DOCK7: variants seen among roughly 807,000 people sequenced by gnomAD.
The protein encoded by DOCK7 is dedicator of cytokinesis 7, also known as dedicator of cytokinesis protein 7.
In DOCK7, 138 loss-of-function variants were observed where a neutral mutation model predicts 271.0. The ratio of observed to expected loss-of-function variants is 0.51; its 90% CI spans 0.44 to 0.59. The LOEUF (loss-of-function observed/expected upper bound fraction) is 0.59. Ranked by LOEUF, DOCK7 falls within the 20% of genes least tolerant of loss-of-function variation. The pLI, the probability that DOCK7 is intolerant of heterozygous loss-of-function variation, is 0.00. For synonymous variants in DOCK7, 823 were observed against 876.1 expected (o/e 0.94, Z 1.07); for missense variants, 2,066 against 2,592.4 (o/e 0.80, Z 4.41).
chr1:62,579,257 G>T (rs899373549), intron 16 of DOCK7, among the ~76,000 whole-genome samples: 1 of 152,060 alleles, frequency 6.6e-6, no homozygotes, highest in Admixed American at 6.5e-5. Flanking sequence ...CCATTAGATT[G>T]GAAGCTGCAT....
chr1:62,683,425 G>A (rs757302328), intron 1 of DOCK7, among the ~76,000 whole-genome samples: 9 of 152,182 alleles, frequency 5.9e-5, no homozygotes, highest in Non-Finnish European at 1.3e-4. Flanking sequence ...TGTTAAATAA[G>A]TCGATATCCA....
rs891956807 is a variant in DOCK7 at position 62,675,741 on chromosome 1, C to T, written c.38+12486G>A. Among the ~76,000 whole-genome samples the T allele has an allele frequency of 2.6e-5, 4 of 151,608 alleles. No homozygotes were observed. In the East Asian group the frequency reaches 5.8e-4, roughly 22 times the overall value. The stretch of plus-strand genomic sequence containing the variant: ...TGGAGCTTGCAATGAGCCGAGATCG[C>T]GCCACTGTACTCCAGCCTGGGCGAC... On this transcript the variant is annotated intron_variant, in intron 1 of 49. Coordinates refer to ENST00000635253, the MANE Select transcript of DOCK7 (RefSeq NM_001367561.1).
At chr1:62,476,228 C>T in intron 44 of DOCK7, 72 bp from the exon 45 acceptor site, 1 of 1,149,816 alleles carries the variant, frequency 8.7e-7, no homozygotes, top group Non-Finnish European at 1.3e-6. Context: ...CTGAGGGTGA[C>T]TCCTGAGCAA....
At position 62,455,751 on chromosome 1, in the gene DOCK7, T is replaced by C. The variant is rs634341; in HGVS notation, c.6381-295A>G. Among the ~76,000 whole-genome samples the C allele has an allele frequency of 0.42, 63,812 of 152,018 alleles. 15,148 individuals carry two copies. The highest frequency in any genetic ancestry group is 0.65 in the African/African-American group (27,066 of 41,442). On this transcript the variant is annotated intron_variant, in intron 49 of 49. Transcript: ENST00000635253. ...ACTTAAGGGATAATGGGAGAGATTT[T>C]AGGAAAAGATTTGGGGTTTTTTACA...
intron 29 of DOCK7, among the ~76,000 whole-genome samples, chr1:62,532,330 A>G (rs1645199641): frequency 2.0e-5 from 3 of 151,916 alleles, no homozygotes; most frequent in African/African-American, 7.3e-5. Flanking sequence ...CCACCATGCC[A>G]GGCCTATTTA....
intron 2 of DOCK7, among the ~76,000 whole-genome samples, chr1:62,656,263 C>G (rs1035089814): frequency 1.3e-5 from 2 of 151,998 alleles, no homozygotes; most frequent in Non-Finnish European, 2.9e-5. Flanking sequence ...AGCAAAATGT[C>G]CTTACAATTT....
chr1:62,660,741 T>A (rs1288950141), intron 2 of DOCK7, among the ~76,000 whole-genome samples: 4 of 152,162 alleles, frequency 2.6e-5, no homozygotes, highest in African/African-American at 9.6e-5. Context: ...AACCCCAATG[T>A]CCATCAAAAT....
chr1:62,634,703 A>C (rs1655040896), intron 9 of DOCK7, 70 bp downstream of exon 9: 1 of 1,454,440 alleles, frequency 6.9e-7, no homozygotes, highest in South Asian at 1.3e-5. Context: ...GCCCTTGAAA[A>C]GTTTATAATA....
At chr1:62,629,066 A>T (rs1571831133) in intron 11 of DOCK7, 1 of 152,214 alleles carries the variant, frequency 6.6e-6, no homozygotes, top group Non-Finnish European at 1.5e-5. Flanking sequence ...GACTACAATC[A>T]AAGAGCAGAT....
chr1:62,680,127 A>C (rs1321327232), intron 1 of DOCK7, among the ~76,000 whole-genome samples: 1 of 152,184 alleles, frequency 6.6e-6, no homozygotes, highest in African/African-American at 2.4e-5. Flanking sequence ...ATGCTACCTG[A>C]CTTCAAACTG....
intron 16 of DOCK7, among the ~76,000 whole-genome samples, chr1:62,579,820 A>G (rs1467435531): frequency 6.6e-6 from 1 of 152,032 alleles, no homozygotes; most frequent in Non-Finnish European, 1.5e-5. Context: ...TTGACCACTA[A>G]AACAAACAAA....
intron 14 of DOCK7, among the ~76,000 whole-genome samples, chr1:62,594,375 TAC>T (rs1648910003): frequency 1.4e-5 from 2 of 138,290 alleles, no homozygotes. Flanking sequence ...ATAAGAATTA[TAC>T]AGATATTTAT....
At chr1:62,594,389 C>T (rs1447948832) in intron 14 of DOCK7, among the ~76,000 whole-genome samples, 2 of 151,896 alleles carry the variant, frequency 1.3e-5, no homozygotes, top group African/African-American at 4.8e-5. Flanking sequence ...GATATTTATA[C>T]CAAGAGACAA....
At chr1:62,527,858 C>A (rs1645058555) in intron 31 of DOCK7, among the ~76,000 whole-genome samples, 1 of 124,078 alleles carries the variant, frequency 8.1e-6, no homozygotes. Flanking sequence ...GCACATGTAC[C>A]CTAAAACTTA....
chr1:62,461,847 G>A (rs531448368), intron 48 of DOCK7, among the ~76,000 whole-genome samples: 233 of 151,138 alleles, frequency 1.5e-3, no homozygotes, highest in African/African-American at 4.5e-3. Flanking sequence ...AGAGGCGGGC[G>A]GATCACCTGA....
intron 20 of DOCK7, 106 bp downstream of exon 20, chr1:62,558,883 T>C (rs893009518): frequency 2.3e-6 from 2 of 855,826 alleles, no homozygotes; most frequent in East Asian, 5.3e-5. Flanking sequence ...AAATCAAATA[T>C]AGTCCTTATA....
intron 37 of DOCK7, among the ~76,000 whole-genome samples, chr1:62,498,250 A>T (rs1646679790): frequency 6.6e-6 from 1 of 152,126 alleles, no homozygotes; most frequent in African/African-American, 2.4e-5. Context: ...AAAGTGCTAA[A>T]AAACTGTCTT....
intron 4 of DOCK7, among the ~76,000 whole-genome samples, chr1:62,653,236 A>G (rs1346320139): frequency 6.6e-6 from 1 of 152,188 alleles, no homozygotes; most frequent in Non-Finnish European, 1.5e-5. Context: ...AATTTTGGCT[A>G]GAACAAAACA....
chr1:62,551,895 T>G (rs1477019905), intron 22 of DOCK7, among the ~76,000 whole-genome samples: 2 of 151,720 alleles, frequency 1.3e-5, no homozygotes, highest in Non-Finnish European at 2.9e-5. Flanking sequence ...GCCTCTTTGT[T>G]CTAAATCTTG....
Sources: allele counts gnomAD v4.1 joint callset (sites outside exome capture counted in the v4.1 genomes callset), GRCh38; gene constraint gnomAD v4.1.1; transcripts MANE v1.5; gene names NCBI Gene and HGNC (gene_info 2026-07-23, HGNC 2026-07-21).